The following THSD4 variants were observed in gnomAD, a reference collection of about 807,000 sequenced individuals.
The protein encoded by THSD4 is thrombospondin type-1 domain-containing protein 4.
THSD4 carries 69 observed loss-of-function variants against 119.0 expected under a neutral mutation model. That is an observed-to-expected ratio of 0.58 (90% CI 0.48 to 0.71). THSD4 has a LOEUF of 0.71. Ranked by LOEUF, THSD4 falls within the 30% of genes least tolerant of loss-of-function variation. The pLI is 0.00. For missense variants in THSD4, 1,393 were observed against 1,391.1 expected, an observed-to-expected ratio of 1.00 and a Z score of -0.02; for synonymous variants, 524 against 540.4, an observed-to-expected ratio of 0.97 and a Z score of 0.42.
chr15:71,382,889 G>C (rs1258997072), intron 6 of THSD4, among the ~76,000 whole-genome samples: 1 of 152,160 alleles, frequency 6.6e-6, no homozygotes, highest in African/African-American at 2.4e-5. Flanking sequence ...AGCAATTAAT[G>C]TTCCAGTATT....
chr15:71,679,587 A>G (rs74893822), intron 8 of THSD4, among the ~76,000 whole-genome samples: 3 of 152,222 alleles, frequency 2.0e-5, no homozygotes, highest in Non-Finnish European at 4.4e-5. Flanking sequence ...GCACAAGCTA[A>G]GGTACAGAGA....
At chr15:71,731,822 G>A (rs914787108) in intron 10 of THSD4, 2 of 153,346 alleles carry the variant, frequency 1.3e-5, no homozygotes, top group African/African-American at 4.8e-5. Context: ...CTTTCTTAGA[G>A]CTCTGGAGGT....
chr15:71,281,248 A>G (rs1376287549), intron 6 of THSD4, among the ~76,000 whole-genome samples: 1 of 152,234 alleles, frequency 6.6e-6, no homozygotes, highest in Non-Finnish European at 1.5e-5. Flanking sequence ...TGTTCTGCGC[A>G]TTCATGCATT....
chr15:71,518,211 C>T (rs1205239558), intron 7 of THSD4, among the ~76,000 whole-genome samples: 1 of 152,104 alleles, frequency 6.6e-6, no homozygotes, highest in Non-Finnish European at 1.5e-5. Context: ...CTCCCCCCAC[C>T]TCCCCACCCC....
intron 6 of THSD4, among the ~76,000 whole-genome samples, chr15:71,369,411 T>C (rs1264509717): frequency 1.3e-5 from 2 of 152,188 alleles, no homozygotes; most frequent in African/African-American, 4.8e-5. Flanking sequence ...TGATATTGGC[T>C]GTGGGATTGT....
chr15:71,677,622 TC>T (rs2051679982), intron 8 of THSD4, among the ~76,000 whole-genome samples: 2 of 152,210 alleles, frequency 1.3e-5, no homozygotes, highest in African/African-American at 4.8e-5. Flanking sequence ...TGAAAAGCTT[TC>T]AGATATGCTG....
chr15:71,252,879 A>ATCATCATCG (rs564388771), intron 5 of THSD4, among the ~76,000 whole-genome samples: 193 of 152,214 alleles, frequency 1.3e-3, no homozygotes, highest in African/African-American at 4.5e-3. Context: ...CATCATCATC[A>ATCATCATCG]TCATCATCAT....
intron 6 of THSD4, among the ~76,000 whole-genome samples, chr15:71,266,781 C>T (rs2044469739): frequency 6.6e-6 from 1 of 151,762 alleles, no homozygotes; most frequent in Non-Finnish European, 1.5e-5. Flanking sequence ...CCTGATGGAG[C>T]TGAAAACCAC....
intron 1 of THSD4, among the ~76,000 whole-genome samples, chr15:71,133,822 G>A (rs1234233722): frequency 6.6e-6 from 1 of 152,024 alleles, no homozygotes; most frequent in East Asian, 1.9e-4. Context: ...GTTTTTTTAG[G>A]ACTGAAAACA....
At chr15:71,323,061 C>A (rs1459660958) in intron 6 of THSD4, among the ~76,000 whole-genome samples, 1 of 147,996 alleles carries the variant, frequency 6.8e-6, no homozygotes, top group Admixed American at 6.7e-5. Flanking sequence ...TGTGCCACTC[C>A]ACTCCAACCT....
intron 6 of THSD4, among the ~76,000 whole-genome samples, chr15:71,326,687 AAAAAAAAAAAAAAATATATAT>A (rs1251229037): frequency 2.0e-5 from 1 of 49,488 alleles, no homozygotes; most frequent in African/African-American, 6.9e-5. Context: ...AAAAAAAAAA[AAAAAAAAAAAAAAATATATAT>A]ATATATATAT....
chr15:71,350,602 A>G (rs1300104909), intron 6 of THSD4, among the ~76,000 whole-genome samples: 1 of 152,144 alleles, frequency 6.6e-6, no homozygotes, highest in East Asian at 1.9e-4. Context: ...ATCTCCCAAC[A>G]TAGCCCTTTA....
chr15:71,299,960 CAAAAAAAA>C (rs141320911), intron 6 of THSD4, among the ~76,000 whole-genome samples: 14 of 109,038 alleles, frequency 1.3e-4, no homozygotes, highest in East Asian at 1.3e-3. Context: ...CTGTCTCTAC[CAAAAAAAA>C]AAAAAAAAAT....
intron 6 of THSD4, among the ~76,000 whole-genome samples, chr15:71,270,671 A>C (rs931520568): frequency 3.3e-5 from 5 of 152,164 alleles, no homozygotes; most frequent in African/African-American, 1.2e-4. Context: ...ATTTCTACTC[A>C]TATGTATATG....
At chr15:71,376,947 C>T (rs2046144731) in intron 6 of THSD4, among the ~76,000 whole-genome samples, 1 of 152,136 alleles carries the variant, frequency 6.6e-6, no homozygotes. Flanking sequence ...GTGGTGACAC[C>T]TTAAGGAGAT....
At chr15:71,278,814 A>G (rs966017477) in intron 6 of THSD4, among the ~76,000 whole-genome samples, 1 of 152,214 alleles carries the variant, frequency 6.6e-6, no homozygotes, top group Non-Finnish European at 1.5e-5. Context: ...GAGTAGGGGC[A>G]AGAAACTGGC....
intron 7 of THSD4, among the ~76,000 whole-genome samples, chr15:71,514,956 A>G (rs754274766): frequency 2.0e-5 from 3 of 152,184 alleles, no homozygotes; most frequent in Non-Finnish European, 4.4e-5. Context: ...TCCAGTTTTT[A>G]GTTACTACCT....
At chr15:71,427,410 T>G (rs1441352) in intron 7 of THSD4, among the ~76,000 whole-genome samples, 95,709 of 151,326 alleles carry the variant, frequency 0.63, 30,588 homozygotes, top group Middle Eastern at 0.73. Flanking sequence ...CAACAAATAT[T>G]ATGATGAATG....
chr15:71,199,741 GTGTGTGGGTGTGTGTGA>G (rs2043770282), intron 3 of THSD4, among the ~76,000 whole-genome samples: 1 of 147,952 alleles, frequency 6.8e-6, no homozygotes, highest in South Asian at 2.2e-4. Context: ...TGTGTGTAGT[GTGTGTGGGTGTGTGTGA>G]TGTGTGTGGT....
Sources: gnomAD v4.1 joint callset for allele counts (sites outside exome capture counted in the v4.1 genomes callset) on GRCh38, gnomAD v4.1.1 for gene constraint, MANE v1.5 for transcripts, NCBI Gene and HGNC (gene_info 2026-07-23, HGNC 2026-07-21) for gene names.